The following CCDC63 variants were observed in gnomAD, a reference collection of about 807,000 sequenced individuals.
CCDC63 encodes coiled-coil domain containing 63, also known as coiled-coil domain-containing protein 63.
In CCDC63, 54 loss-of-function variants were observed where a neutral mutation model predicts 63.6. The ratio of observed to expected loss-of-function variants is 0.85; its 90% CI spans 0.68 to 1.07. The LOEUF (loss-of-function observed/expected upper bound fraction) is 1.07, where lower values mean the gene tolerates loss of function less well. CCDC63 is among the 50% of genes least tolerant of loss of function. The pLI is 0.00. For missense variants in CCDC63, 637 were observed against 689.6 expected, an observed-to-expected ratio of 0.92 and a Z score of 0.86; for synonymous variants, 253 against 266.1, an observed-to-expected ratio of 0.95 and a Z score of 0.48.
intron 8 of CCDC63, among the ~76,000 whole-genome samples, chr12:110,885,846 G>A (rs2071272384): frequency 6.6e-6 from 1 of 152,170 alleles, no homozygotes; most frequent in South Asian, 2.1e-4. Flanking sequence ...GAATATAGGT[G>A]AAAACATTTT....
At position 110,907,505 on chromosome 12, in the gene CCDC63, A is replaced by G. The variant is rs1033119684; in HGVS notation, c.*29A>G. ...GCATGCATGGGGCCACCTTTGCAACATAACCGAAAGAATAAATGTTTTGTT... is the reference window on the plus strand; with the variant it reads ...GCATGCATGGGGCCACCTTTGCAACGTAACCGAAAGAATAAATGTTTTGTT... On this transcript the variant is annotated 3_prime_UTR_variant, in exon 12 of 12. Coordinates refer to ENST00000308208, the MANE Select transcript of CCDC63 (RefSeq NM_152591.3). The surrounding 1 kb of genome is among the most constrained non-coding windows in gnomAD (Gnocchi z 4.4). 2.5e-5 allele frequency: 41 copies of G among 1,613,158 alleles called. No homozygotes were observed. The highest frequency in any genetic ancestry group is 3.2e-5 in the Non-Finnish European group (38 of 1,179,420).
At chr12:110,861,602 C>T (rs1397634772) in intron 4 of CCDC63, among the ~76,000 whole-genome samples, 1 of 152,012 alleles carries the variant, frequency 6.6e-6, no homozygotes, top group Non-Finnish European at 1.5e-5. Context: ...AACGGAGTCC[C>T]ACTCTGTCAC....
In CCDC63 at chr12:110,893,164, C is replaced by G; in HGVS notation, c.1149+14C>G. On this transcript the variant is annotated intron_variant, in intron 9 of 11. Transcript: ENST00000308208. ...AGACAGCTGGAGGTGAGAACAGGAT[C>G]GGGAGGGAGGGATGCGGGAGCTTCT... The G allele has an allele frequency of 6.2e-7, 1 of 1,608,554 alleles. No homozygotes were observed. The highest frequency in any genetic ancestry group is 8.5e-7 in the Non-Finnish European group (1 of 1,175,296).
chr12:110,906,671 C>G (rs1004187553), intron 11 of CCDC63, among the ~76,000 whole-genome samples: 3 of 152,042 alleles, frequency 2.0e-5, no homozygotes, highest in Non-Finnish European at 2.9e-5. Context: ...TGCACACACA[C>G]ACGCACACAC....
intron 8 of CCDC63, among the ~76,000 whole-genome samples, chr12:110,892,840 A>G (rs1385341171): frequency 3.3e-5 from 5 of 151,698 alleles, no homozygotes; most frequent in African/African-American, 9.7e-5. Flanking sequence ...ATAAAGAAAG[A>G]AAGGATGACT....
chr12:110,884,244 A>C lies in CCDC63; in HGVS notation c.1068A>C (p.Arg356=). The C allele has an allele frequency of 6.2e-7, 1 of 1,613,908 alleles. No homozygotes were observed. Among genetic ancestry groups the C allele is most frequent in the Non-Finnish European group, 8.5e-7 (1 of 1,179,872 alleles). Residue 356 remains arginine, a synonymous_variant, in exon 8 of 12, where the codon CGA becomes CGC. Transcript: ENST00000308208. ...DMEMMHKRTQ[R]IQDEIILLRS... ...AGATGATGCACAAGAGGACCCAACG[A>C]ATCCAGGTCAGGGCGGCTCTGCTTT...
Position 110,884,050 on chromosome 12 carries a change from G to A in CCDC63, c.874G>A (p.Val292Ile). The part of the protein sequence containing the change: ...REEALKAKKH[V>I]KKNRGESFES... The stretch of plus-strand genomic sequence containing the variant: ...CCTAGCTCTCAAGGCAAAGAAGCAT[G>A]TCAAGAAGAACAGGGGAGAGAGTTT... Residue 292 changes from valine (V) to isoleucine (I), a missense_variant, in exon 8 of 12, where the codon GTC (valine) becomes ATC (isoleucine). Coordinates refer to ENST00000308208, the MANE Select transcript of CCDC63 (RefSeq NM_152591.3). 1.2e-6 allele frequency: 2 copies of A among 1,613,976 alleles called. No individual in the cohort carries two copies. Among genetic ancestry groups the A allele is most frequent in the Non-Finnish European group, 1.7e-6 (2 of 1,179,882 alleles).
At chr12:110,857,250 A>G (rs559979976) in intron 3 of CCDC63, among the ~76,000 whole-genome samples, 69 of 151,834 alleles carry the variant, frequency 4.5e-4, no homozygotes, top group African/African-American at 1.5e-3. Flanking sequence ...CTCAGCCTCC[A>G]GAGTAGCTAG....
In CCDC63 at chr12:110,856,198, G is replaced by A. The variant is rs185287848; in HGVS notation, c.180-2388G>A. On this transcript the variant is annotated intron_variant, in intron 3 of 11. Coordinates refer to ENST00000308208, the MANE Select transcript of CCDC63 (RefSeq NM_152591.3). The stretch of plus-strand genomic sequence containing the variant: ...CCTTCCAGGTTCAAGCGATTCTCCT[G>A]CCTCAGCCTCCTGAGTAGCTAGGAC... 1.1e-4 allele frequency among the ~76,000 whole-genome samples: 16 copies of A among 149,646 alleles called. No homozygotes were observed. In the East Asian group the frequency reaches 3.2e-3, roughly 30 times the overall value.
Position 110,907,511 on chromosome 12 carries a change from G to A in CCDC63, c.*35G>A, listed in dbSNP as rs375174364. The A allele has an allele frequency of 2.2e-5, 36 of 1,612,634 alleles. No homozygotes were observed. The highest frequency in any genetic ancestry group is 4.5e-5 in the East Asian group (2 of 44,858). On this transcript the variant is annotated 3_prime_UTR_variant, in exon 12 of 12. Coordinates refer to ENST00000308208, the MANE Select transcript of CCDC63 (RefSeq NM_152591.3). The surrounding 1 kb of genome is among the most constrained non-coding windows in gnomAD (Gnocchi z 4.4). ...ATGGGGCCACCTTTGCAACATAACC[G>A]AAAGAATAAATGTTTTGTTCTGTAG... is the stretch of plus-strand genomic sequence containing the variant.
intron 1 of CCDC63, among the ~76,000 whole-genome samples, chr12:110,851,291 G>C (rs1566113365): frequency 6.6e-6 from 1 of 152,174 alleles, no homozygotes. Flanking sequence ...TCAAGATTCA[G>C]TCTGTCTTCA....
chr12:110,872,306 G>A (rs954371095), intron 4 of CCDC63, among the ~76,000 whole-genome samples: 1 of 152,184 alleles, frequency 6.6e-6, no homozygotes, highest in Non-Finnish European at 1.5e-5. Context: ...CAGGTAGTGG[G>A]CCAGATTTGA....
intron 10 of CCDC63, among the ~76,000 whole-genome samples, chr12:110,900,823 C>T (rs1223204831): frequency 6.6e-6 from 1 of 152,164 alleles, no homozygotes; most frequent in Non-Finnish European, 1.5e-5. Flanking sequence ...TGGTCTCGAT[C>T]TCCTGACCTC....
In CCDC63 at chr12:110,904,806, T is replaced by C; in HGVS notation, c.1546+15T>C. On this transcript the variant is annotated intron_variant, in intron 11 of 11. Transcript: ENST00000308208. ...GTTGGATGATGGTGAGTTCTCTCTC[T>C]CTCAATCTGCACAGGTTGCTAGGGA... The C allele has an allele frequency of 6.3e-7, 1 of 1,592,352 alleles. No individual in the cohort carries two copies. The highest frequency in any genetic ancestry group is 8.6e-7 in the Non-Finnish European group (1 of 1,168,864).
intron 4 of CCDC63, among the ~76,000 whole-genome samples, chr12:110,873,501 C>T (rs780835585): frequency 2.0e-5 from 3 of 152,176 alleles, no homozygotes; most frequent in Non-Finnish European, 4.4e-5. Context: ...TGCTGGAAAC[C>T]ATGGCTTTGG....
intron 3 of CCDC63, among the ~76,000 whole-genome samples, chr12:110,856,225 A>G (rs1174812071): frequency 2.6e-5 from 4 of 151,690 alleles, no homozygotes; most frequent in Admixed American, 1.3e-4. Flanking sequence ...AGCTAGGACT[A>G]CAGGCGCCCA....
intron 4 of CCDC63, among the ~76,000 whole-genome samples, chr12:110,867,767 C>T (rs1340341716): frequency 7.0e-6 from 1 of 143,682 alleles, no homozygotes; most frequent in Non-Finnish European, 1.5e-5. Flanking sequence ...CCCCCCATCT[C>T]CCTCCCGGAC....
chr12:110,867,231 C>A (rs1174395031), intron 4 of CCDC63, among the ~76,000 whole-genome samples: 1 of 130,262 alleles, frequency 7.7e-6, no homozygotes, highest in African/African-American at 2.9e-5. Flanking sequence ...GGGCCGACCC[C>A]CCCACCTCCC....
In CCDC63 at chr12:110,884,074, T is replaced by A; in HGVS notation, c.898T>A (p.Phe300Ile). 1 of 1,614,004 alleles carries A rather than the reference T, an allele frequency of 6.2e-7. No individual in the cohort carries two copies. ...TGTCAAGAAGAACAGGGGAGAGAGTTTTGAGAGCTATGAGGTGGCCCACCT... is the reference window on the plus strand; with the variant it reads ...TGTCAAGAAGAACAGGGGAGAGAGTATTGAGAGCTATGAGGTGGCCCACCT... The part of the protein sequence containing the change: ...KHVKKNRGES[F>I]ESYEVAHLRL... Residue 300 changes from phenylalanine (F) to isoleucine (I), a missense_variant, in exon 8 of 12, where the codon TTT (phenylalanine) becomes ATT (isoleucine). Transcript: ENST00000308208.
Sources: gnomAD v4.1 joint callset for allele counts (sites outside exome capture counted in the v4.1 genomes callset) on GRCh38, gnomAD v4.1.1 for gene constraint, Gnocchi (gnomAD v3.1) non-coding constraint, MANE v1.5 for transcripts, NCBI Gene and HGNC (gene_info 2026-07-23, HGNC 2026-07-21) for gene names.